NAALADL2: variants seen among roughly 807,000 people sequenced by gnomAD.
NAALADL2 encodes the protein N-acetylated alpha-linked acidic dipeptidase like 2, also known as inactive N-acetylated-alpha-linked acidic dipeptidase-like protein 2.
Under a neutral mutation model 87.2 loss-of-function variants are expected in NAALADL2, and 76 were observed. That is an observed-to-expected ratio of 0.87 (90% CI 0.72 to 1.05). NAALADL2 has a LOEUF of 1.05. Among genes scored for constraint, NAALADL2 ranks in the 50% least tolerant of loss-of-function variants. The pLI is 0.00. For synonymous variants in NAALADL2, 354 were observed against 331.0 expected (o/e 1.07, Z -0.75); for missense variants, 1,089 against 945.8 (o/e 1.15, Z -1.99).
chr3:175,446,789 G>A (rs757788534), intron 5 of NAALADL2, among the ~76,000 whole-genome samples: 18 of 152,008 alleles, frequency 1.2e-4, no homozygotes, highest in South Asian at 2.1e-4. Context: ...TTCTTTGTTC[G>A]GTGGTACAAA....
chr3:174,816,642 C>T (rs999216226), intron 3 of NAALADL2, among the ~76,000 whole-genome samples: 8 of 151,578 alleles, frequency 5.3e-5, no homozygotes, highest in Non-Finnish European at 1.2e-4. Flanking sequence ...AAGTGATTCA[C>T]CCCAGGTCAC....
intron 5 of NAALADL2, among the ~76,000 whole-genome samples, chr3:175,423,051 A>ATATATATTTTTT (rs1458599872): frequency 5.5e-5 from 5 of 91,508 alleles, no homozygotes; most frequent in Non-Finnish European, 1.0e-4. Flanking sequence ...ATATATATAT[A>ATATATATTTTTT]TTTTTTTTTT....
intron 1 of NAALADL2, among the ~76,000 whole-genome samples, chr3:175,024,209 T>C (rs1411646053): frequency 6.6e-6 from 1 of 152,108 alleles, no homozygotes; most frequent in Non-Finnish European, 1.5e-5. Context: ...TGTAATTATG[T>C]AAACTAATAT....
At position 175,803,164 on chromosome 3, in the gene NAALADL2, A is replaced by C; in HGVS notation, c.2349A>C (p.Gly783=). The change falls in exon 14 of 14, where the codon GGA becomes GGC. Residue 783 remains glycine (G), a synonymous_variant. Coordinates refer to ENST00000454872, the MANE Select transcript of NAALADL2 (RefSeq NM_207015.3). ...CAGCTCAGGTTTACTTCAAAGCAGG[A>C]CTTGATGTGTTCAAGAGTGTCTTGG... ...INSAQVYFKA[G]LDVFKSVLDG... 1 of 1,611,852 alleles carries C rather than the reference A, an allele frequency of 6.2e-7. No homozygotes were observed. The highest frequency in any genetic ancestry group is 8.5e-7 in the Non-Finnish European group (1 of 1,178,780).
chr3:174,938,836 T>A (rs1038606496), intron 1 of NAALADL2, among the ~76,000 whole-genome samples: 2 of 152,170 alleles, frequency 1.3e-5, no homozygotes, highest in African/African-American at 2.4e-5. Context: ...AAAGTATCTG[T>A]TCATATCCTT....
chr3:175,586,076 G>A (rs1720500092), intron 10 of NAALADL2, among the ~76,000 whole-genome samples: 1 of 152,138 alleles, frequency 6.6e-6, no homozygotes, highest in Non-Finnish European at 1.5e-5. Flanking sequence ...CTCATCTGGA[G>A]CTCAAATAGC....
rs546587829 is a variant in NAALADL2, at chr3:174,535,901, G to A, written c.-183-14668G>A. On this transcript the variant is annotated intron_variant, in intron 1 of 3. Transcript: ENST00000434257. ...GTAGGTTTACAGCAGTTGATTTGCA[G>A]TTGCACCAAACACTTAACATCTGAT... Among the ~76,000 whole-genome samples the A allele has an allele frequency of 1.3e-4, 20 of 151,934 alleles. No homozygotes were observed. The East Asian group carries it at 3.9e-3, about 29-fold the overall frequency.
At chr3:175,473,293 C>T (rs566747089) in intron 9 of NAALADL2, among the ~76,000 whole-genome samples, 1 of 152,120 alleles carries the variant, frequency 6.6e-6, no homozygotes, top group East Asian at 1.9e-4. Context: ...TACATGTCAA[C>T]ATGTACCTCA....
chr3:175,751,200 A>T (rs1033698391), intron 12 of NAALADL2, among the ~76,000 whole-genome samples: 2 of 152,170 alleles, frequency 1.3e-5, no homozygotes, highest in Non-Finnish European at 2.9e-5. Context: ...TCACCGTTTA[A>T]TTCCTTTATC....
At chr3:175,511,269 A>G (rs987531520) in intron 9 of NAALADL2, among the ~76,000 whole-genome samples, 1 of 152,176 alleles carries the variant, frequency 6.6e-6, no homozygotes, top group Non-Finnish European at 1.5e-5. Context: ...CTCAAAATTT[A>G]TGTTGAAGCC....
chr3:174,979,584 C>T (rs1007245007), intron 1 of NAALADL2, among the ~76,000 whole-genome samples: 5 of 151,952 alleles, frequency 3.3e-5, no homozygotes, highest in South Asian at 4.1e-4. Flanking sequence ...GGATTACAGG[C>T]GTGAACCACC....
At chr3:174,726,956 T>C (rs1732253183) in intron 2 of NAALADL2, among the ~76,000 whole-genome samples, 2 of 152,174 alleles carry the variant, frequency 1.3e-5, no homozygotes, top group African/African-American at 4.8e-5. Context: ...TTTTCTTTTG[T>C]AAAGAGAATA....
intron 5 of NAALADL2, among the ~76,000 whole-genome samples, chr3:175,430,063 C>T (rs1218727336): frequency 6.6e-6 from 1 of 151,900 alleles, no homozygotes. Flanking sequence ...ATAAGAACAG[C>T]TTTATGTATT....
In NAALADL2 at chr3:174,794,348, G is replaced by T. The variant is rs139521443; in HGVS notation, c.-9+56602G>T. Reference sequence around the variant, plus strand: ...TATGGCTTTACTAAATAAAATTATTGGTTATATAAATCCGAACTAATATAT... The same window carrying T: ...TATGGCTTTACTAAATAAAATTATTTGTTATATAAATCCGAACTAATATAT... On this transcript the variant is annotated intron_variant, in intron 3 of 3. Transcript: ENST00000434257. Among the ~76,000 whole-genome samples, 390 of 151,906 alleles carry T rather than the reference G, an allele frequency of 2.6e-3. 2 individuals are homozygous for T. The highest frequency in any genetic ancestry group is 9.1e-3 in the African/African-American group (375 of 41,432).
At chr3:175,507,548 C>T (rs1007105115) in intron 9 of NAALADL2, among the ~76,000 whole-genome samples, 10 of 151,944 alleles carry the variant, frequency 6.6e-5, no homozygotes, top group African/African-American at 2.4e-4. Flanking sequence ...TCAGCCTCCC[C>T]AGCAGCTGGG....
intron 6 of NAALADL2, among the ~76,000 whole-genome samples, chr3:175,459,355 A>C (rs879876591): frequency 1.3e-5 from 2 of 152,086 alleles, no homozygotes; most frequent in Non-Finnish European, 2.9e-5. Flanking sequence ...AGATAGATGT[A>C]ACTGAAGAAT....
chr3:175,221,648 T>C (rs1430099016), intron 2 of NAALADL2, among the ~76,000 whole-genome samples: 1 of 152,160 alleles, frequency 6.6e-6, no homozygotes. Flanking sequence ...CAGGACAATA[T>C]ATCTGTTTTT....
intron 2 of NAALADL2, among the ~76,000 whole-genome samples, chr3:175,101,816 G>A (rs1408884636): frequency 6.6e-6 from 1 of 151,642 alleles, no homozygotes; most frequent in Non-Finnish European, 1.5e-5. Flanking sequence ...AGACAAAAAG[G>A]AGAAAATGTG....
At chr3:174,848,395 A>T (rs1200666262) in intron 3 of NAALADL2, among the ~76,000 whole-genome samples, 3 of 152,140 alleles carry the variant, frequency 2.0e-5, no homozygotes, top group East Asian at 3.9e-4. Context: ...GTGATAAATG[A>T]TAGTATTTGA....
Sources: gnomAD v4.1 joint callset for allele counts (sites outside exome capture counted in the v4.1 genomes callset) on GRCh38, gnomAD v4.1.1 for gene constraint, MANE v1.5 for transcripts, NCBI Gene and HGNC (gene_info 2026-07-23, HGNC 2026-07-21) for gene names.